Variants in SGSM3 observed in about 807,000 individuals in gnomAD.
SGSM3 encodes the protein RUN and SH3 containing 3.
In SGSM3, 96 loss-of-function variants were observed where a neutral mutation model predicts 100.5. The ratio of observed to expected loss-of-function variants is 0.96; its 90% CI spans 0.81 to 1.13. SGSM3 has a LOEUF of 1.13. Ranked by LOEUF, SGSM3 falls within the 50% of genes most tolerant of loss-of-function variation. The probability of loss-of-function intolerance (pLI) is 0.00; values close to 1 mark genes in which losing one functional copy is unlikely to be tolerated. For synonymous variants in SGSM3, 483 were observed against 422.8 expected (o/e 1.14, Z -1.75); for missense variants, 1,001 against 1,015.8 (o/e 0.99, Z 0.20).
At chr22:40,371,099 C>T (rs749754817) in intron 1 of SGSM3, among the ~76,000 whole-genome samples, 1 of 152,216 alleles carries the variant, frequency 6.6e-6, no homozygotes, top group Non-Finnish European at 1.5e-5. Flanking sequence ...TCAGGTTTAA[C>T]TTGCGGTTTT....
At chr22:40,406,413 C>T in intron 9 of SGSM3, 25 bp from the exon 10 acceptor site, 2 of 1,540,386 alleles carry the variant, frequency 1.3e-6, no homozygotes, top group Non-Finnish European at 1.8e-6. Context: ...ACCTTCTTCC[C>T]CCATCCTGCC....
Position 40,405,870 on chromosome 22 carries a change from C to T in SGSM3, c.814+26C>T, listed in dbSNP as rs180677742. ...GTAAGGCGCCCCTGAGCCACTGGCT[C>T]CCATTCTGCAGCTTGGAGGACTCAG... On this transcript the variant is annotated intron_variant, in intron 8 of 21. Transcript: ENST00000248929. 558 of 1,594,534 alleles carry T rather than the reference C, an allele frequency of 3.5e-4. 3 individuals carry two copies. In the African/African-American group the frequency reaches 6.7e-3, roughly 19 times the overall value.
intron 1 of SGSM3, among the ~76,000 whole-genome samples, chr22:40,394,111 C>G (rs1030618007): frequency 1.3e-5 from 2 of 152,238 alleles, no homozygotes; most frequent in East Asian, 3.9e-4. Flanking sequence ...TGCATTCCCT[C>G]CTTGGCAATG....
intron 4 of SGSM3, among the ~76,000 whole-genome samples, chr22:40,403,725 A>G (rs887861314): frequency 2.6e-5 from 4 of 152,196 alleles, no homozygotes; most frequent in Non-Finnish European, 5.9e-5. Context: ...GCAGAGTGAC[A>G]TGATCTGACT....
intron 1 of SGSM3, among the ~76,000 whole-genome samples, chr22:40,400,307 T>G (rs2050580064): frequency 6.6e-6 from 1 of 152,218 alleles, no homozygotes; most frequent in African/African-American, 2.4e-5. Context: ...CTACTTCCTT[T>G]CGTAGAGTGA....
chr22:40,407,059 G>A lies in SGSM3; in HGVS notation c.1228G>A (p.Ala410Thr). ...RTQRRKSTIT[A>T]LLFGEDDLEA... ...CCAGCGGAGGAAGTCCACCATCACT[G>A]CTCTGCTCTTCGGTGAGAGCTCTGC... The change falls in exon 11 of 22, where the codon GCT (alanine) becomes ACT (threonine). Residue 410 changes from alanine to threonine, a missense_variant. Physicochemically the swap from Ala to Thr is moderately conservative, Grantham distance 58. Coordinates refer to ENST00000248929, the MANE Select transcript of SGSM3 (RefSeq NM_015705.6). The surrounding 1 kb of genome is among the most constrained non-coding windows in gnomAD (Gnocchi z 4.7). 6.3e-7 allele frequency: 1 copy of A among 1,592,478 alleles called. No homozygotes were observed. Among genetic ancestry groups the A allele is most frequent in the Non-Finnish European group, 8.6e-7 (1 of 1,169,440 alleles).
intron 16 of SGSM3, 43 bp from the exon 17 acceptor site, chr22:40,408,584 C>A (rs894372770): frequency 6.2e-7 from 1 of 1,609,580 alleles, no homozygotes; most frequent in Non-Finnish European, 8.5e-7. Flanking sequence ...TTTGAACCAG[C>A]ATCTTCCTGT....
Position 40,406,555 on chromosome 22 carries a change from T to TCCCTCACCGATGTGG in SGSM3, c.1081_1095dup (p.Leu361_Ala365dup). 6.2e-7 allele frequency: 1 copy of TCCCTCACCGATGTGG among 1,612,866 alleles called. No individual in the cohort carries two copies. Among genetic ancestry groups the TCCCTCACCGATGTGG allele is most frequent in the Non-Finnish European group, 8.5e-7 (1 of 1,179,862 alleles). ...GGGGGTGGCCATGCGGCTGGCCGGC[T>TCCCTCACCGATGTGG]CCCTCACCGATGTGGCCGTGGAGAC... On this transcript the variant is annotated inframe_insertion, in exon 10 of 22. Coordinates refer to ENST00000248929, the MANE Select transcript of SGSM3 (RefSeq NM_015705.6).
intron 1 of SGSM3, chr22:40,387,190 AAC>A (rs2048608899): frequency 2.5e-6 from 1 of 398,466 alleles, no homozygotes; most frequent in African/African-American, 2.1e-5. Context: ...ATGAATGCTT[AAC>A]ACATATTATT....
intron 1 of SGSM3, among the ~76,000 whole-genome samples, chr22:40,398,158 G>A (rs1222043174): frequency 6.6e-6 from 1 of 151,848 alleles, no homozygotes; most frequent in Admixed American, 6.6e-5. Flanking sequence ...AGTAGGACAG[G>A]GTTTCACCAT....
At chr22:40,372,118 C>T (rs1051304181) in intron 1 of SGSM3, among the ~76,000 whole-genome samples, 1 of 120,694 alleles carries the variant, frequency 8.3e-6, no homozygotes, top group East Asian at 2.4e-4. Context: ...CCTGTCCCCC[C>T]CCCCTTTTTT....
At chr22:40,408,215 AGAG>A (rs1429463182) in intron 15 of SGSM3, 59 bp from the exon 16 acceptor site, 21 of 1,607,598 alleles carry the variant, frequency 1.3e-5, no homozygotes, top group Non-Finnish European at 1.7e-5. Context: ...CAGAGAGGAC[AGAG>A]GAGGGTGACT....
At position 40,409,259 on chromosome 22, in the gene SGSM3, G is replaced by A. The variant is rs764470226; in HGVS notation, c.1998G>A (p.Val666=). 19 of 1,607,862 alleles carry A rather than the reference G, an allele frequency of 1.2e-5. No homozygotes were observed. In the South Asian group the frequency reaches 2.0e-4, roughly 17 times the overall value. ...SLICVGLNEQ[V]LHLWLEVLCS... is the part of the protein sequence containing the mutation. ...CTGGCCATGTCCCCAGTGAGCAGGT[G>A]CTGCACCTGTGGCTGGAGGTGCTCT... The change falls in exon 20 of 22, where the codon GTG becomes GTA. Residue 666 remains valine, a synonymous_variant. Transcript: ENST00000248929.
rs2052421891 is a variant in SGSM3 at position 40,410,175 on chromosome 22, C to T, written c.*416C>T. On this transcript the variant is annotated 3_prime_UTR_variant, in exon 22 of 22. Transcript: ENST00000248929. ...ATTCAGGTCCAAGGTTCTGCCCTTC[C>T]TTGAGTGGTCTAGAAGGCACTGCGT... 9.2e-7 allele frequency: 1 copy of T among 1,084,894 alleles called. No individual in the cohort carries two copies. Among genetic ancestry groups the T allele is most frequent in the African/African-American group, 1.6e-5 (1 of 61,152 alleles). The allele number at this position is 1,084,894 out of a possible 1,614,324, so 67.2% of individuals were successfully genotyped here.
rs777621488 is a variant in SGSM3, at chr22:40,407,574, T to C, written c.1524+6T>C. ...GCAAGAACGACATCATCACAGTGCG[T>C]GGGGGCGCTGGACTACCAGGTCCTC... On this transcript the variant is annotated splice_donor_region_variant and intron_variant, in intron 13 of 21. Coordinates refer to ENST00000248929, the MANE Select transcript of SGSM3 (RefSeq NM_015705.6). This position sits in a 1 kb window ranked among gnomAD's most constrained non-coding sequence, Gnocchi z 4.7. The C allele has an allele frequency of 6.2e-7, 1 of 1,601,144 alleles. No homozygotes were observed. Among genetic ancestry groups the C allele is most frequent in the Non-Finnish European group, 8.5e-7 (1 of 1,178,716 alleles).
chr22:40,383,342 C>G (rs865849309), intron 1 of SGSM3, among the ~76,000 whole-genome samples: 88 of 151,980 alleles, frequency 5.8e-4, no homozygotes, highest in Middle Eastern at 3.2e-3. Context: ...TGGCAGGTGC[C>G]TGTATTCCCA....
chr22:40,376,063 A>G (rs1205517652), intron 1 of SGSM3, among the ~76,000 whole-genome samples: 2 of 152,044 alleles, frequency 1.3e-5, no homozygotes, highest in Non-Finnish European at 2.9e-5. Flanking sequence ...CTGGAAAAAA[A>G]AAAACAAGAT....
In SGSM3 at chr22:40,407,658, G is replaced by T; in HGVS notation, c.1524+90G>T. ...AAGCCCCACCCCAACCCCTTTCCCT[G>T]CCAAGAGCTTCTCTTGTGAAGATGT... On this transcript the variant is annotated intron_variant, in intron 13 of 21. Transcript: ENST00000248929. This position sits in a 1 kb window ranked among gnomAD's most constrained non-coding sequence, Gnocchi z 4.7. 2.5e-6 allele frequency: 4 copies of T among 1,578,352 alleles called. No homozygotes were observed. The South Asian group carries it at 4.5e-5, about 18-fold the overall frequency.
chr22:40,409,681 G>A lies in SGSM3; in HGVS notation c.2173-1G>A, dbSNP rs2052327862. On this transcript the variant is annotated splice_acceptor_variant, in intron 21 of 21. Coordinates refer to ENST00000248929, the MANE Select transcript of SGSM3 (RefSeq NM_015705.6). LOFTEE classifies it high-confidence loss of function. ...GAGGTGAGGGGCTGCCCTGTTTGCA[G>A]GCGCAGCAGCCCCTGAAGGAGGGCG... 1 of 1,613,398 alleles carries A rather than the reference G, an allele frequency of 6.2e-7. No individual in the cohort carries two copies. The highest frequency in any genetic ancestry group is 8.5e-7 in the Non-Finnish European group (1 of 1,179,698).
Sources: allele counts gnomAD v4.1 joint callset (sites outside exome capture counted in the v4.1 genomes callset), GRCh38; gene constraint gnomAD v4.1.1; non-coding constraint Gnocchi (gnomAD v3.1); transcripts MANE v1.5; gene names NCBI Gene and HGNC (gene_info 2026-07-23, HGNC 2026-07-21).